The following TTLL3 variants were observed in gnomAD, a reference collection of about 807,000 sequenced individuals.
TTLL3 encodes tubulin tyrosine ligase like 3.
TTLL3 carries 63 observed loss-of-function variants against 75.2 expected under a neutral mutation model. The observed-to-expected ratio is 0.84, with a 90% CI of 0.68 to 1.03. The LOEUF is 1.03. Ranked by LOEUF, TTLL3 falls within the 50% of genes least tolerant of loss-of-function variation. TTLL3 has a pLI of 0.00. For missense variants in TTLL3, 997 were observed against 1,069.9 expected, an observed-to-expected ratio of 0.93 and a Z score of 0.95; for synonymous variants, 393 against 418.5, an observed-to-expected ratio of 0.94 and a Z score of 0.74.
intron 4 of TTLL3, among the ~76,000 whole-genome samples, chr3:9,815,347 C>T (rs2079746215): frequency 1.3e-5 from 2 of 152,162 alleles, no homozygotes; most frequent in Non-Finnish European, 2.9e-5. Context: ...CCTTCCTGTG[C>T]CTCAGTTTCC....
At position 9,816,077 on chromosome 3, in the gene TTLL3, C is replaced by T. The variant is rs769423989; in HGVS notation, c.319C>T (p.Arg107Cys). 60 of 1,354,354 alleles carry T rather than the reference C, an allele frequency of 4.4e-5. No individual in the cohort carries two copies. In the Admixed American group the frequency reaches 9.3e-4, roughly 21 times the overall value. The allele number at this position is 1,354,354 out of a possible 1,614,324, so 83.9% of individuals were successfully genotyped here. A position where few individuals can be genotyped will look rare whatever the true frequency, so the allele number is the denominator to read the frequency against. The part of the protein sequence containing the change: ...DLDGTHALMS[R>C]MVQNEIPYFI... ...CTGTCTCCTCCTGTCTCCCCAGTCC[C>T]GCATGGTCCAGAATGAGATCCCCTA... is the stretch of plus-strand genomic sequence containing the variant. The change falls in exon 5 of 14, where the codon CGC becomes TGC. Residue 107 changes from arginine (R) to cysteine (C), a missense_variant. Coordinates refer to ENST00000685419, the MANE Select transcript of TTLL3 (RefSeq NM_001387446.1).
At position 9,817,439 on chromosome 3, in the gene TTLL3, G is replaced by T. The variant is rs1014535499; in HGVS notation, c.445-206G>T. The T allele has an allele frequency of 8.4e-5, 83 of 982,706 alleles. 1 individual carries two copies. Among genetic ancestry groups the T allele is most frequent in the Middle Eastern group, 5.2e-4 (1 of 1,932 alleles). The allele number at this position is 982,706 out of a possible 1,614,324, so 60.9% of individuals were successfully genotyped here. A position where few individuals can be genotyped will look rare whatever the true frequency, so the allele number is the denominator to read the frequency against. On this transcript the variant is annotated intron_variant, in intron 5 of 13. Transcript: ENST00000685419. ...ACTCCATCTCAAAAAAAAAAAGAAT[G>T]TGAAAGGGGGGACAGGAGGGACATC...
At chr3:9,820,020 C>T (rs1204726865) in intron 7 of TTLL3, 8 of 988,284 alleles carry the variant, frequency 8.1e-6, no homozygotes, top group Non-Finnish European at 8.4e-6. Flanking sequence ...GGGTCAGTTT[C>T]TGTAATCACT....
rs189104238 is a variant in TTLL3, at chr3:9,830,237, T to C, written c.1683+842T>C. ...CCTAATAAGGTTAGGAGTTTCATCA[T>C]GTATAACCTGTAAAGTGCCTGAATG... On this transcript the variant is annotated intron_variant, in intron 11 of 13. Transcript: ENST00000685419. Among the ~76,000 whole-genome samples the C allele has an allele frequency of 8.0e-4, 122 of 152,360 alleles. 1 individual carries two copies. The highest frequency in any genetic ancestry group is 1.3e-3 in the Non-Finnish European group (90 of 68,038).
chr3:9,819,022 C>T, intron 7 of TTLL3, 102 bp downstream of exon 7: 2 of 1,450,786 alleles, frequency 1.4e-6, no homozygotes, highest in South Asian at 1.2e-5. Context: ...CACGCACCTA[C>T]TGGTTCATCC....
intron 11 of TTLL3, among the ~76,000 whole-genome samples, chr3:9,832,673 C>T (rs1290041735): frequency 1.3e-5 from 2 of 152,190 alleles, no homozygotes; most frequent in Non-Finnish European, 2.9e-5. Flanking sequence ...GTTTCTGCTA[C>T]CCCATAACCT....
chr3:9,817,855 C>G lies in TTLL3; in HGVS notation c.559+96C>G, dbSNP rs1014104388. On this transcript the variant is annotated intron_variant, in intron 6 of 13. Coordinates refer to ENST00000685419, the MANE Select transcript of TTLL3 (RefSeq NM_001387446.1). ...GGAGAGAAACAGGCCTCTCTTCATG[C>G]CCTCATCTGCCTGCCCCAGCAGATT... The G allele has an allele frequency of 1.1e-5, 16 of 1,468,354 alleles. No homozygotes were observed. In the Admixed American group the frequency reaches 2.8e-4, roughly 25 times the overall value. 91.0% of individuals were successfully genotyped at this position (1,468,354 alleles called of 1,614,324 possible).
At chr3:9,814,097 C>T (rs922909830) in intron 4 of TTLL3, among the ~76,000 whole-genome samples, 4 of 151,778 alleles carry the variant, frequency 2.6e-5, no homozygotes, top group Admixed American at 2.0e-4. Flanking sequence ...GTCAGGAGTT[C>T]GAGACCAGCC....
intron 8 of TTLL3, among the ~76,000 whole-genome samples, chr3:9,824,227 G>A (rs1323783244): frequency 6.6e-6 from 1 of 152,154 alleles, no homozygotes; most frequent in African/African-American, 2.4e-5. Flanking sequence ...TGATATAGAA[G>A]TGCTTGAAAG....
intron 7 of TTLL3, chr3:9,819,568 C>T: frequency 2.0e-6 from 2 of 986,462 alleles, no homozygotes; most frequent in Non-Finnish European, 2.4e-6. Context: ...ACAGCTTAGG[C>T]CTGAACATAA....
intron 13 of TTLL3, 68 bp downstream of exon 13, chr3:9,834,975 A>G (rs1239933428): frequency 6.2e-7 from 1 of 1,611,430 alleles, no homozygotes. Context: ...TGGAGGGCAC[A>G]GGCAGAGGGC....
chr3:9,825,989 C>T, intron 9 of TTLL3, 41 bp downstream of exon 9: 1 of 1,601,098 alleles, frequency 6.2e-7, no homozygotes, highest in Non-Finnish European at 8.5e-7. Flanking sequence ...CACCTCACCA[C>T]CTGCATCTAC....
chr3:9,810,165 C>G (rs968068025), upstream of TTLL3: 4 of 1,471,916 alleles, frequency 2.7e-6, no homozygotes, highest in Non-Finnish European at 3.6e-6. This position sits in a 1 kb window ranked among gnomAD's most constrained non-coding sequence, Gnocchi z 4.4. Context: ...CCTCGGCGCG[C>G]CGCTCCGAGT....
chr3:9,815,949 AG>A, intron 4 of TTLL3, 124 bp from the exon 5 acceptor site: 1 of 980,458 alleles, frequency 1.0e-6, no homozygotes, highest in Non-Finnish European at 1.4e-6. Context: ...TGTGGGCTAG[AG>A]GCCACCTTGG....
chr3:9,817,586 C>T, intron 5 of TTLL3, 59 bp from the exon 6 acceptor site: 1 of 1,612,524 alleles, frequency 6.2e-7, no homozygotes. Context: ...TCTGAACTGT[C>T]TGGGTGTGTG....
chr3:9,818,246 A>C (rs1189972984), intron 6 of TTLL3: 1 of 167,230 alleles, frequency 6.0e-6, no homozygotes, highest in Non-Finnish European at 1.3e-5. Flanking sequence ...CAGAATAAGT[A>C]TCAAAAGTAG....
At position 9,827,149 on chromosome 3, in the gene TTLL3, G is replaced by GT; in HGVS notation, c.1157dup (p.Thr387AsnfsTer2). 1 of 1,614,218 alleles carries GT rather than the reference G, an allele frequency of 6.2e-7. No homozygotes were observed. Among genetic ancestry groups the GT allele is most frequent in the Non-Finnish European group, 8.5e-7 (1 of 1,180,046 alleles). The stretch of plus-strand genomic sequence containing the variant: ...GTTTGACCTCAGACAGTGGTTCCTG[G>GT]TAACTGACTGGAACCCACTTACCGT... On this transcript the variant is annotated frameshift_variant, in exon 10 of 14. Coordinates refer to ENST00000685419, the MANE Select transcript of TTLL3 (RefSeq NM_001387446.1). LOFTEE classifies it high-confidence loss of function.
intron 5 of TTLL3, 126 bp from the exon 6 acceptor site, chr3:9,817,519 C>T (rs1321042595): frequency 6.4e-6 from 10 of 1,553,780 alleles, no homozygotes; most frequent in Non-Finnish European, 8.7e-6. Context: ...TAGATGTGAG[C>T]AACTCAGACC....
Position 9,828,973 on chromosome 3 carries a change from T to C in TTLL3, c.1261T>C (p.Cys421Arg), listed in dbSNP as rs764764000. 9 of 1,614,186 alleles carry C rather than the reference T, an allele frequency of 5.6e-6. No individual in the cohort carries two copies. The East Asian group carries it at 2.0e-4, about 36-fold the overall frequency. ...LKNLDNSVHL[C>R]NNSIQKHLEN... is the part of the protein sequence containing the mutation. ...TCTCTGCCCCAGCTCAGTGCACCTGTGCAACAACTCCATCCAGAAGCACCT... is the reference window on the plus strand; with the variant it reads ...TCTCTGCCCCAGCTCAGTGCACCTGCGCAACAACTCCATCCAGAAGCACCT... Residue 421 changes from cysteine (C) to arginine (R), a missense_variant, in exon 11 of 14, where the codon TGC becomes CGC. Coordinates refer to ENST00000685419, the MANE Select transcript of TTLL3 (RefSeq NM_001387446.1).
Sources: gnomAD v4.1 joint callset for allele counts (sites outside exome capture counted in the v4.1 genomes callset) on GRCh38, gnomAD v4.1.1 for gene constraint, Gnocchi (gnomAD v3.1) non-coding constraint, MANE v1.5 for transcripts, NCBI Gene and HGNC (gene_info 2026-07-23, HGNC 2026-07-21) for gene names.